The following SH2D4B variants were observed in gnomAD, a reference collection of about 807,000 sequenced individuals.
SH2D4B encodes SH2 domain containing 4B.
A neutral mutation model predicts 61.5 loss-of-function variants in SH2D4B; 45 were observed. The observed-to-expected ratio is 0.73, with a 90% CI of 0.58 to 0.94. SH2D4B has a LOEUF of 0.94. Among genes scored for constraint, SH2D4B ranks in the 40% least tolerant of loss-of-function variants. The pLI, the probability that SH2D4B is intolerant of heterozygous loss-of-function variation, is 0.00. For missense variants in SH2D4B, 572 were observed against 574.2 expected, an observed-to-expected ratio of 1.00 and a Z score of 0.04; for synonymous variants, 224 against 220.4, an observed-to-expected ratio of 1.02 and a Z score of -0.14.
At position 80,572,984 on chromosome 10, in the gene SH2D4B, A is replaced by ATTTTTTTTTTTTTT. The variant is rs1283153702; in HGVS notation, c.495+1407_495+1408insTTTTTTTTTTTTTT. ...TATATATATATATATATATATATAT[A>ATTTTTTTTTTTTTT]TATTTTTTTTTTTTTTTTTTTTTTT... On this transcript the variant is annotated intron_variant, in intron 3 of 7. Transcript: ENST00000646907. 2.4e-3 allele frequency among the ~76,000 whole-genome samples: 20 copies of ATTTTTTTTTTTTTT among 8,292 alleles called. 2 individuals are homozygous for ATTTTTTTTTTTTTT. Among genetic ancestry groups the ATTTTTTTTTTTTTT allele is most frequent in the Non-Finnish European group, 3.3e-3 (16 of 4,792 alleles). The allele number at this position is 8,292 out of a possible 152,430, so 5.4% of individuals were successfully genotyped here. A position where few individuals can be genotyped will look rare whatever the true frequency, so the allele number is the denominator to read the frequency against.
At chr10:80,553,561 G>A (rs1401935964) in intron 1 of SH2D4B, among the ~76,000 whole-genome samples, 1 of 152,194 alleles carries the variant, frequency 6.6e-6, no homozygotes, top group Non-Finnish European at 1.5e-5. Flanking sequence ...GGGGCATCAT[G>A]GCCCCGGTGG....
intron 5 of SH2D4B, among the ~76,000 whole-genome samples, chr10:80,606,630 G>A (rs1842523197): frequency 6.6e-6 from 1 of 152,194 alleles, no homozygotes; most frequent in Admixed American, 6.5e-5. Flanking sequence ...TTGCAGCCAT[G>A]AGTCACTGTG....
chr10:80,633,817 A>G (rs1842861240), intron 6 of SH2D4B, among the ~76,000 whole-genome samples: 1 of 151,844 alleles, frequency 6.6e-6, no homozygotes, highest in Non-Finnish European at 1.5e-5. Flanking sequence ...TTTAAGGGAA[A>G]CCCCTATTTT....
intron 6 of SH2D4B, among the ~76,000 whole-genome samples, chr10:80,612,012 T>C (rs938635853): frequency 8.5e-5 from 13 of 152,148 alleles, no homozygotes; most frequent in Non-Finnish European, 2.9e-5. Flanking sequence ...CAAGTAACTT[T>C]GCTTAGAAAG....
intron 6 of SH2D4B, among the ~76,000 whole-genome samples, chr10:80,620,310 C>G (rs1240919894): frequency 6.6e-6 from 1 of 152,154 alleles, no homozygotes; most frequent in East Asian, 1.9e-4. Context: ...TTCCTTTTCA[C>G]TCTCTCCTGC....
At chr10:80,574,762 G>A (rs538298609) in intron 3 of SH2D4B, among the ~76,000 whole-genome samples, 8 of 152,182 alleles carry the variant, frequency 5.3e-5, no homozygotes, top group African/African-American at 1.2e-4. Context: ...GTGCAATGGC[G>A]CAATCTCGGC....
At chr10:80,574,053 T>A (rs1842094897) in intron 3 of SH2D4B, among the ~76,000 whole-genome samples, 1 of 152,222 alleles carries the variant, frequency 6.6e-6, no homozygotes, top group Non-Finnish European at 1.5e-5. Flanking sequence ...ATCCCAAACT[T>A]TCTCAATAAC....
At chr10:80,611,027 T>C (rs1842591629) in intron 6 of SH2D4B, among the ~76,000 whole-genome samples, 1 of 151,808 alleles carries the variant, frequency 6.6e-6, no homozygotes, top group Non-Finnish European at 1.5e-5. Context: ...TTTAAAAAAT[T>C]AGCCAGGTGT....
In SH2D4B at chr10:80,634,508, A is replaced by C. The variant is rs1393226711; in HGVS notation, c.1209+3A>C. On this transcript the variant is annotated splice_donor_region_variant and intron_variant, in intron 7 of 7. Transcript: ENST00000646907. ...CGGATCTCGTTGATTTCCATAAGGT[A>C]TCCCTCACAGGGATACTAATGGGGG... 1.3e-6 allele frequency: 2 copies of C among 1,549,474 alleles called. No individual in the cohort carries two copies. The highest frequency in any genetic ancestry group is 3.9e-5 in the Admixed American group (2 of 51,000).
intron 3 of SH2D4B, among the ~76,000 whole-genome samples, chr10:80,578,433 C>T (rs1275654460): frequency 6.6e-6 from 1 of 151,948 alleles, no homozygotes; most frequent in Non-Finnish European, 1.5e-5. Flanking sequence ...GAGAGAGAGA[C>T]AACTCCATGA....
chr10:80,640,390 C>T (rs1231208575), intron 7 of SH2D4B, among the ~76,000 whole-genome samples: 1 of 152,194 alleles, frequency 6.6e-6, no homozygotes, highest in Non-Finnish European at 1.5e-5. Flanking sequence ...TGTTTTCCAA[C>T]TTGGTTCCAT....
At chr10:80,554,744 T>A (rs921342714) in intron 1 of SH2D4B, among the ~76,000 whole-genome samples, 3 of 152,158 alleles carry the variant, frequency 2.0e-5, no homozygotes, top group Non-Finnish European at 4.4e-5. Flanking sequence ...GCGCGGTGGC[T>A]TACGCCTGTA....
At chr10:80,636,935 G>A (rs557212674) in intron 7 of SH2D4B, among the ~76,000 whole-genome samples, 2 of 152,316 alleles carry the variant, frequency 1.3e-5, no homozygotes, top group Non-Finnish European at 2.9e-5. Context: ...TAATGTTTAA[G>A]TCTTTAATCC....
intron 5 of SH2D4B, among the ~76,000 whole-genome samples, chr10:80,609,186 C>A (rs1268597079): frequency 6.6e-6 from 1 of 152,142 alleles, no homozygotes; most frequent in Admixed American, 6.5e-5. Flanking sequence ...ACATTATAAT[C>A]TGCAAAATGC....
At chr10:80,589,255 C>T (rs1347166436) in intron 4 of SH2D4B, among the ~76,000 whole-genome samples, 18 of 152,258 alleles carry the variant, frequency 1.2e-4, no homozygotes, top group African/African-American at 3.6e-4. Context: ...CCACCTGCCT[C>T]GGCCTCCCAA....
chr10:80,621,090 A>G (rs1396012118), intron 6 of SH2D4B, among the ~76,000 whole-genome samples: 2 of 152,238 alleles, frequency 1.3e-5, no homozygotes, highest in East Asian at 3.8e-4. Context: ...TCAGTTGTCA[A>G]CGTTTTTAAG....
At position 80,538,650 on chromosome 10, in the gene SH2D4B, G is replaced by A; in HGVS notation, c.184+135G>A. ...GCTGGGGGCTTGAAACCCTTGTCTTGTGGGCATCAGGTCCCATGAGCCTGT... is the reference window on the plus strand; with the variant it reads ...GCTGGGGGCTTGAAACCCTTGTCTTATGGGCATCAGGTCCCATGAGCCTGT... On this transcript the variant is annotated intron_variant, in intron 1 of 7. Coordinates refer to ENST00000646907, the MANE Select transcript of SH2D4B (RefSeq NM_001388272.1). The surrounding 1 kb of genome is among the most constrained non-coding windows in gnomAD (Gnocchi z 4.8). The A allele has an allele frequency of 1.3e-6, 1 of 741,834 alleles. No homozygotes were observed. The highest frequency in any genetic ancestry group is 1.9e-6 in the Non-Finnish European group (1 of 525,692). 46.0% of individuals were successfully genotyped at this position (741,834 alleles called of 1,614,324 possible).
intron 6 of SH2D4B, 93 bp downstream of exon 6, chr10:80,609,644 CA>C: frequency 6.3e-7 from 1 of 1,575,542 alleles, no homozygotes; most frequent in Non-Finnish European, 8.7e-7. Context: ...CAGTTATAAT[CA>C]GGGGGCAGAG....
intron 1 of SH2D4B, among the ~76,000 whole-genome samples, chr10:80,541,852 AAGCTT>A (rs1251748949): frequency 2.6e-5 from 4 of 152,128 alleles, no homozygotes; most frequent in Non-Finnish European, 5.9e-5. Flanking sequence ...GCTTGGGTGA[AAGCTT>A]AGAGGCGGAC....
Sources: gnomAD v4.1 joint callset for allele counts (sites outside exome capture counted in the v4.1 genomes callset) on GRCh38, gnomAD v4.1.1 for gene constraint, Gnocchi (gnomAD v3.1) non-coding constraint, MANE v1.5 for transcripts, NCBI Gene and HGNC (gene_info 2026-07-23, HGNC 2026-07-21) for gene names.